Variants in ZNF544 observed in about 807,000 individuals in gnomAD.
The protein encoded by ZNF544 is zinc finger protein 544.
In ZNF544, 10 loss-of-function variants were observed where a neutral mutation model predicts 13.5. The observed-to-expected ratio is 0.74, with a 90% CI of 0.46 to 1.25. The LOEUF (loss-of-function observed/expected upper bound fraction) is 1.25, where lower values mean the gene tolerates loss of function less well. ZNF544 is among the 50% of genes most tolerant of loss of function. The pLI is 0.00. For missense variants in ZNF544, 896 were observed against 845.6 expected (o/e 1.06, Z -0.74); for synonymous variants, 323 against 300.5 (o/e 1.07, Z -0.77).
At chr19:58,275,783 CAAA>C (rs57148438) in intron 5 of ZNF544, among the ~76,000 whole-genome samples, 3 of 66,226 alleles carry the variant, frequency 4.5e-5, no homozygotes, top group Non-Finnish European at 2.8e-5. Context: ...GACCCTGTCT[CAAA>C]AAAAAAAAAA....
At chr19:58,266,739 C>G (rs2049966888), downstream of ZNF544, 1 of 103,134 alleles carries the variant, frequency 9.7e-6, no homozygotes, top group Middle Eastern at 6.1e-3. Flanking sequence ...ACCTATCTGG[C>G]TGTGGGTAGC....
At chr19:58,264,718 C>T (rs1207591355), downstream of ZNF544, among the ~76,000 whole-genome samples, 1 of 151,360 alleles carries the variant, frequency 6.6e-6, no homozygotes, top group Non-Finnish European at 1.5e-5. Context: ...AACAAAAAAC[C>T]CTGAGCTGGC....
In ZNF544 at chr19:58,263,174, G is replaced by C. The variant is rs190061398; in HGVS notation, c.*420G>C. 3.0e-6 allele frequency: 3 copies of C among 997,142 alleles called. No homozygotes were observed. Among genetic ancestry groups the C allele is most frequent in the African/African-American group, 1.7e-5 (1 of 57,502 alleles). 61.8% of individuals were successfully genotyped at this position (997,142 alleles called of 1,614,324 possible). ...GGCAAGAAACTCTATGAATAACCAA[G>C]ATGGAGCCGGGTGCAGTTGCCAACA... On this transcript the variant is annotated 3_prime_UTR_variant, in exon 7 of 7. Transcript: ENST00000687789.
chr19:58,239,346 C>A (rs542970641), intron 3 of ZNF544, among the ~76,000 whole-genome samples: 2 of 151,484 alleles, frequency 1.3e-5, no homozygotes, highest in Non-Finnish European at 2.9e-5. Flanking sequence ...CTTCCCCCCT[C>A]CACTCCCACC....
Position 58,276,431 on chromosome 19 carries a change from T to G in ZNF544, c.351+2T>G. 1 of 1,226,506 alleles carries G rather than the reference T, an allele frequency of 8.2e-7. No homozygotes were observed. Among genetic ancestry groups the G allele is most frequent in the Non-Finnish European group, 1.0e-6 (1 of 984,500 alleles). 76.0% of individuals were successfully genotyped at this position (1,226,506 alleles called of 1,614,324 possible). A position where few individuals can be genotyped will look rare whatever the true frequency, so the allele number is the denominator to read the frequency against. ...CCACAGCAGCTGCCACTTGCTCAGG[T>G]GAGTGAAGACATCTGTCAAAAGTCA... On this transcript the variant is annotated splice_donor_variant, in intron 6 of 6. Transcript: ENST00000595981. LOFTEE classifies it high-confidence loss of function.
chr19:58,255,702 A>G (rs1325490290), intron 6 of ZNF544, among the ~76,000 whole-genome samples: 1 of 152,282 alleles, frequency 6.6e-6, no homozygotes, highest in Non-Finnish European at 1.5e-5. Flanking sequence ...AGAATTTTGC[A>G]TAAGAAAAGA....
At position 58,262,765 on chromosome 19, in the gene ZNF544, AT is replaced by A. The variant is rs752628744; in HGVS notation, c.*13del. The A allele has an allele frequency of 6.3e-7, 1 of 1,575,962 alleles. No homozygotes were observed. The highest frequency in any genetic ancestry group is 1.4e-5 in the African/African-American group (1 of 73,974). On this transcript the variant is annotated 3_prime_UTR_variant, in exon 7 of 7. Transcript: ENST00000687789. ...GGAGAGAAACCTTAGGAGTGCAGTC[AT>A]TGTGGGAAAGCTTTCATCCAGAGGT...
chr19:58,256,769 A>AG (rs779151500), intron 6 of ZNF544, among the ~76,000 whole-genome samples: 3 of 152,168 alleles, frequency 2.0e-5, no homozygotes, highest in Non-Finnish European at 4.4e-5. Context: ...TCCTTAGGAA[A>AG]GGGGGTTGGG....
chr19:58,268,175 T>C (rs1375044297), downstream of ZNF544, among the ~76,000 whole-genome samples: 3 of 152,074 alleles, frequency 2.0e-5, no homozygotes, highest in Non-Finnish European at 4.4e-5. Context: ...GGTGCATGCC[T>C]GTAATCCCAG....
chr19:58,269,372 T>G (rs1434776139), intron 5 of ZNF544, among the ~76,000 whole-genome samples: 3 of 151,586 alleles, frequency 2.0e-5, no homozygotes, highest in African/African-American at 7.3e-5. Context: ...GAGGTAGAGG[T>G]TGCAGTGAGC....
chr19:58,273,490 AC>A (rs2034066963), intron 5 of ZNF544, among the ~76,000 whole-genome samples: 1 of 151,874 alleles, frequency 6.6e-6, no homozygotes, highest in Non-Finnish European at 1.5e-5. Context: ...GGAGATAGAG[AC>A]CCGCCTGGCC....
rs760393743 is a variant in ZNF544 at position 58,261,562 on chromosome 19, G to A, written c.956G>A (p.Ser319Asn). The change falls in exon 7 of 7, where the codon AGT (serine) becomes AAT (asparagine). Residue 319 changes from serine to asparagine, a missense_variant. Physicochemically the swap from Ser to Asn is conservative, Grantham distance 46 (BLOSUM62 1). Transcript: ENST00000687789. ...ESLCLVQTER[S>N]GPGETPFRCE... ...CTGTGCCTTGTACAAACAGAAAGAA[G>A]TGGCCCTGGAGAGACCCCCTTCAGA... 4.3e-6 allele frequency: 7 copies of A among 1,614,064 alleles called. No homozygotes were observed. The highest frequency in any genetic ancestry group is 5.9e-6 in the Non-Finnish European group (7 of 1,180,032).
intron 3 of ZNF544, among the ~76,000 whole-genome samples, chr19:58,243,001 C>T (rs904254108): frequency 2.6e-5 from 4 of 151,942 alleles, no homozygotes; most frequent in African/African-American, 7.3e-5. Context: ...GGCTGGCTAA[C>T]GTTTTTATAG....
At position 58,237,473 on chromosome 19, in the gene ZNF544, G is replaced by A. The variant is rs188000776; in HGVS notation, c.-59-6492G>A. Among the ~76,000 whole-genome samples, 439 of 152,316 alleles carry A rather than the reference G, an allele frequency of 2.9e-3. 5 individuals are homozygous for A. The highest frequency in any genetic ancestry group is 0.01 in the African/African-American group (419 of 41,580). On this transcript the variant is annotated intron_variant, in intron 3 of 6. Coordinates refer to ENST00000687789, the MANE Select transcript of ZNF544 (RefSeq NM_014480.4). ...GGTCCTGGCAGCCTCTGCGAGTGCTGTGGCTCTGATTTCATCTTGGGGCCT... is the reference window on the plus strand; with the variant it reads ...GGTCCTGGCAGCCTCTGCGAGTGCTATGGCTCTGATTTCATCTTGGGGCCT...
At chr19:58,241,168 T>TATATATATTTAA (rs2043623405) in intron 3 of ZNF544, among the ~76,000 whole-genome samples, 16 of 88,640 alleles carry the variant, frequency 1.8e-4, no homozygotes, top group African/African-American at 7.0e-4. Flanking sequence ...TTTAAATATA[T>TATATATATTTAA]ATATATATAT....
intron 5 of ZNF544, among the ~76,000 whole-genome samples, chr19:58,269,847 G>C (rs2050413158): frequency 6.6e-6 from 1 of 152,016 alleles, no homozygotes; most frequent in Non-Finnish European, 1.5e-5. Flanking sequence ...CTTGAACCTG[G>C]GAGGCAGAGG....
intron 3 of ZNF544, among the ~76,000 whole-genome samples, chr19:58,234,650 T>C (rs1263078192): frequency 6.6e-6 from 1 of 152,268 alleles, no homozygotes; most frequent in Non-Finnish European, 1.5e-5. Context: ...GCAATTCTGC[T>C]TTTGAATATT....
chr19:58,244,009 A>C lies in ZNF544; in HGVS notation c.-15A>C, dbSNP rs1180905612. ...CTGCCCTCTACACAGCGGCCTCTTC[A>C]GGTGCAGGGAGGAAATGGAAGCACG... is the stretch of plus-strand genomic sequence containing the variant. On this transcript the variant is annotated 5_prime_UTR_variant, in exon 4 of 7. Coordinates refer to ENST00000687789, the MANE Select transcript of ZNF544 (RefSeq NM_014480.4). 6 of 1,605,380 alleles carry C rather than the reference A, an allele frequency of 3.7e-6. No homozygotes were observed. In the African/African-American group the frequency reaches 6.7e-5, roughly 18 times the overall value.
downstream of ZNF544, among the ~76,000 whole-genome samples, chr19:58,265,161 G>A (rs1348670756): frequency 6.6e-6 from 1 of 152,194 alleles, no homozygotes; most frequent in East Asian, 1.9e-4. Flanking sequence ...AGGAGCCCAA[G>A]TAGTATGTTC....
Sources: allele counts gnomAD v4.1 joint callset (sites outside exome capture counted in the v4.1 genomes callset), GRCh38; gene constraint gnomAD v4.1.1; transcripts MANE v1.5; gene names NCBI Gene and HGNC (gene_info 2026-07-23, HGNC 2026-07-21).